ATRNL1: variants seen among roughly 807,000 people sequenced by gnomAD.
ATRNL1 encodes the protein attractin like 1.
Under a neutral mutation model 182.7 loss-of-function variants are expected in ATRNL1, and 95 were observed. That is an observed-to-expected ratio of 0.52 (90% confidence interval 0.44 to 0.62). The LOEUF is 0.62. Ranked by LOEUF, ATRNL1 falls within the 20% of genes least tolerant of loss-of-function variation. The pLI, the probability that ATRNL1 is intolerant of heterozygous loss-of-function variation, is 0.00. For synonymous variants in ATRNL1, 576 were observed against 568.3 expected (o/e 1.01, Z -0.19); for missense variants, 1,471 against 1,679.5 (o/e 0.88, Z 2.17).
At chr10:115,842,534 GA>G (rs1240374192) in intron 27 of ATRNL1, among the ~76,000 whole-genome samples, 1 of 152,062 alleles carries the variant, frequency 6.6e-6, no homozygotes, top group East Asian at 1.9e-4. Flanking sequence ...TCCAGTTGGG[GA>G]AACTGACTTA....
At position 115,711,269 on chromosome 10, in the gene ATRNL1, G is replaced by A. The variant is rs1344232181; in HGVS notation, c.3796-15979G>A. 5.3e-5 allele frequency among the ~76,000 whole-genome samples: 8 copies of A among 152,210 alleles called. No homozygotes were observed. The East Asian group carries it at 7.7e-4, about 15-fold the overall frequency. On this transcript the variant is annotated intron_variant, in intron 26 of 28. Transcript: ENST00000355044. ...CACCTGCCATGGATAATACATTAAG[G>A]TATGCTGCCTCCTGTGGGTAGGCTT...
intron 20 of ATRNL1, among the ~76,000 whole-genome samples, chr10:115,417,488 C>T (rs1845447518): frequency 6.6e-6 from 1 of 152,180 alleles, no homozygotes; most frequent in African/African-American, 2.4e-5. Flanking sequence ...TGACCCCCAG[C>T]TCCCCCCACT....
intron 28 of ATRNL1, among the ~76,000 whole-genome samples, chr10:115,889,478 G>A (rs782344776): frequency 9.2e-5 from 14 of 152,198 alleles, no homozygotes; most frequent in South Asian, 8.3e-4. Flanking sequence ...ACAGGCATGC[G>A]CCACCACGCA....
intron 26 of ATRNL1, among the ~76,000 whole-genome samples, chr10:115,634,969 T>C (rs1565233213): frequency 1.3e-5 from 2 of 152,100 alleles, no homozygotes; most frequent in South Asian, 4.1e-4. Flanking sequence ...AAAAAAATTA[T>C]AGTTTCCTGT....
At chr10:115,131,918 T>TTTTTA (rs2143727985) in intron 5 of ATRNL1, among the ~76,000 whole-genome samples, 1 of 152,260 alleles carries the variant, frequency 6.6e-6, no homozygotes, top group East Asian at 1.9e-4. Flanking sequence ...ATTAAGTCCT[T>TTTTTA]TTTTTATTTT....
chr10:115,450,928 A>G (rs150100033), intron 21 of ATRNL1, among the ~76,000 whole-genome samples: 2 of 152,300 alleles, frequency 1.3e-5, no homozygotes, highest in African/African-American at 2.4e-5. Flanking sequence ...AAAAACAGGC[A>G]CATAGACCAA....
intron 8 of ATRNL1, among the ~76,000 whole-genome samples, chr10:115,174,554 C>A (rs1483049652): frequency 2.6e-5 from 4 of 151,668 alleles, no homozygotes; most frequent in African/African-American, 9.7e-5. Flanking sequence ...GTAAGTATAT[C>A]ATTTATTTAC....
At chr10:115,927,777 G>A (rs1277035530) in intron 28 of ATRNL1, among the ~76,000 whole-genome samples, 3 of 151,970 alleles carry the variant, frequency 2.0e-5, no homozygotes, top group African/African-American at 7.2e-5. Flanking sequence ...GTTGGGAATC[G>A]TTTTAGTGCT....
chr10:115,469,229 A>G lies in ATRNL1; in HGVS notation c.3554A>G (p.Tyr1185Cys). ...SIVSKNNIKE[Y>C]RDSFSYEKFN... ...GTTTCCAAGAATAATATAAAGGAATACAGAGATAGTTTTTCCTATGAAAAA... is the reference window on the plus strand; with the variant it reads ...GTTTCCAAGAATAATATAAAGGAATGCAGAGATAGTTTTTCCTATGAAAAA... Residue 1185 changes from tyrosine (Y) to cysteine (C), a missense_variant, in exon 24 of 29, where the codon TAC (tyrosine) becomes TGC (cysteine). By Grantham distance (194) the Tyr-to-Cys change is radical. Coordinates refer to ENST00000355044, the MANE Select transcript of ATRNL1 (RefSeq NM_207303.4). 6.8e-7 allele frequency: 1 copy of G among 1,474,794 alleles called. No homozygotes were observed. The highest frequency in any genetic ancestry group is 2.6e-5 in the East Asian group (1 of 39,042). 91.4% of individuals were successfully genotyped at this position (1,474,794 alleles called of 1,614,324 possible).
In ATRNL1 at chr10:115,660,894, T is replaced by C. The variant is rs76025891; in HGVS notation, c.3796-66354T>C. Reference sequence around the variant, plus strand: ...ATATGTAGGATTCTATGTATGTTAATGGGAGTATCTTAAAGTGGTTTAAAT... The same window carrying C: ...ATATGTAGGATTCTATGTATGTTAACGGGAGTATCTTAAAGTGGTTTAAAT... On this transcript the variant is annotated intron_variant, in intron 26 of 28. Transcript: ENST00000355044. 7.9e-3 allele frequency among the ~76,000 whole-genome samples: 1,203 copies of C among 152,252 alleles called. 14 individuals carry two copies. Among genetic ancestry groups the C allele is most frequent in the Non-Finnish European group, 0.012 (784 of 68,004 alleles).
At chr10:115,932,210 A>G (rs1953421008) in intron 28 of ATRNL1, among the ~76,000 whole-genome samples, 1 of 152,226 alleles carries the variant, frequency 6.6e-6, no homozygotes, top group Non-Finnish European at 1.5e-5. Context: ...CTGTTAGATT[A>G]AAGGAGGTCA....
chr10:115,458,764 G>C (rs1847652750), intron 21 of ATRNL1, among the ~76,000 whole-genome samples: 1 of 152,080 alleles, frequency 6.6e-6, no homozygotes, highest in Admixed American at 6.6e-5. Context: ...CTTAGTTGCA[G>C]TCTTGAAAAA....
At chr10:115,237,904 G>A (rs1267141714) in intron 9 of ATRNL1, among the ~76,000 whole-genome samples, 2 of 152,098 alleles carry the variant, frequency 1.3e-5, no homozygotes, top group African/African-American at 2.4e-5. Flanking sequence ...GTTAATTTTT[G>A]TAAAAGATGT....
chr10:115,868,104 A>C (rs542846896), intron 28 of ATRNL1, among the ~76,000 whole-genome samples: 1 of 152,168 alleles, frequency 6.6e-6, no homozygotes, highest in East Asian at 1.9e-4. Flanking sequence ...TTATACATTG[A>C]ATTGGTTGCT....
At chr10:115,468,638 A>AT (rs1848169473) in intron 23 of ATRNL1, among the ~76,000 whole-genome samples, 1 of 150,874 alleles carries the variant, frequency 6.6e-6, no homozygotes, top group South Asian at 2.1e-4. Flanking sequence ...CCTCCACCCA[A>AT]TTTATTTAAA....
At chr10:115,284,373 C>T (rs1303997565) in intron 14 of ATRNL1, among the ~76,000 whole-genome samples, 1 of 152,036 alleles carries the variant, frequency 6.6e-6, no homozygotes, top group African/African-American at 2.4e-5. Context: ...TGAGAAAAAA[C>T]CGTAATTTAA....
rs557019297 is a variant in ATRNL1 at position 115,725,932 on chromosome 10, T to C, written c.3796-1316T>C. 4.7e-4 allele frequency among the ~76,000 whole-genome samples: 71 copies of C among 152,332 alleles called. 2 individuals carry two copies. The South Asian group carries it at 0.014, about 31-fold the overall frequency. On this transcript the variant is annotated intron_variant, in intron 26 of 28. Coordinates refer to ENST00000355044, the MANE Select transcript of ATRNL1 (RefSeq NM_207303.4). Reference sequence around the variant, plus strand: ...TCACATTCACTTTTTACTTTGAATATGTATTTTTAAAATGAATTTGTTACT... The same window carrying C: ...TCACATTCACTTTTTACTTTGAATACGTATTTTTAAAATGAATTTGTTACT...
At chr10:115,837,675 A>G (rs1476438921) in intron 27 of ATRNL1, among the ~76,000 whole-genome samples, 6 of 152,310 alleles carry the variant, frequency 3.9e-5, no homozygotes. Flanking sequence ...ATCAATTATC[A>G]TCTTCTCCAC....
intron 28 of ATRNL1, among the ~76,000 whole-genome samples, chr10:115,923,127 A>T (rs1385741408): frequency 6.6e-6 from 1 of 152,186 alleles, no homozygotes; most frequent in South Asian, 2.1e-4. Context: ...AGTGTTTCTA[A>T]TGATAGTGAA....
Sources: allele counts gnomAD v4.1 joint callset (sites outside exome capture counted in the v4.1 genomes callset), GRCh38; gene constraint gnomAD v4.1.1; transcripts MANE v1.5; gene names NCBI Gene and HGNC (gene_info 2026-07-23, HGNC 2026-07-21).